Variants in RAB40B observed in about 807,000 individuals in gnomAD.
The protein encoded by RAB40B is RAB40B, member RAS oncogene family.
In RAB40B, 21 loss-of-function variants were observed where a neutral mutation model predicts 24.0. The ratio of observed to expected loss-of-function variants is 0.88; its 90% CI spans 0.62 to 1.26. RAB40B has a LOEUF of 1.26. Ranked by LOEUF, RAB40B falls within the 50% of genes most tolerant of loss-of-function variation. The probability of loss-of-function intolerance (pLI) is 0.00; values close to 1 mark genes in which losing one functional copy is unlikely to be tolerated. For synonymous variants in RAB40B, 167 were observed against 169.8 expected, an observed-to-expected ratio of 0.98 and a Z score of 0.13; for missense variants, 348 against 390.5, an observed-to-expected ratio of 0.89 and a Z score of 0.92.
intron 2 of RAB40B, chr17:82,662,646 G>A (rs924426857): frequency 2.0e-6 from 2 of 985,238 alleles, no homozygotes; most frequent in Non-Finnish European, 2.4e-6. Context: ...CGACAGTGTG[G>A]ACAGAGCTGG....
At chr17:82,662,651 A>G (rs938549621) in intron 2 of RAB40B, 2 of 985,188 alleles carry the variant, frequency 2.0e-6, no homozygotes, top group African/African-American at 3.5e-5. Flanking sequence ...GTGTGGACAG[A>G]GCTGGCACCG....
At position 82,657,475 on chromosome 17, in the gene RAB40B, A is replaced by T; in HGVS notation, c.*388T>A. ...CCTCTCGTAATATCAGTGACTCTAA[A>T]TTATCCCGCTGCCATTGCTTCTCAA... On this transcript the variant is annotated 3_prime_UTR_variant, in exon 6 of 6. Coordinates refer to ENST00000571995, the MANE Select transcript of RAB40B (RefSeq NM_006822.3). 2.8e-6 allele frequency: 1 copy of T among 355,028 alleles called. No individual in the cohort carries two copies. The highest frequency in any genetic ancestry group is 5.5e-6 in the Non-Finnish European group (1 of 183,048). 22.0% of individuals were successfully genotyped at this position (355,028 alleles called of 1,614,324 possible). A position where few individuals can be genotyped will look rare whatever the true frequency, so the allele number is the denominator to read the frequency against.
chr17:82,670,535 T>A (rs1381137922), intron 1 of RAB40B, among the ~76,000 whole-genome samples: 1 of 62,420 alleles, frequency 1.6e-5, no homozygotes, highest in Admixed American at 1.5e-4. Flanking sequence ...GAATTCCTGA[T>A]TTTTTTTTTT....
At chr17:82,660,635 G>A (rs553718267) in intron 3 of RAB40B, among the ~76,000 whole-genome samples, 54 of 133,064 alleles carry the variant, frequency 4.1e-4, no homozygotes, top group African/African-American at 2.9e-4. Context: ...ACACACACAC[G>A]CACAGGCACT....
chr17:82,682,862 C>T (rs751346803), intron 1 of RAB40B, among the ~76,000 whole-genome samples: 4 of 152,106 alleles, frequency 2.6e-5, no homozygotes, highest in African/African-American at 7.2e-5. Context: ...AAAACGAACC[C>T]GGCCGGGCAC....
intron 1 of RAB40B, among the ~76,000 whole-genome samples, chr17:82,693,504 C>T (rs2046578661): frequency 6.6e-6 from 1 of 152,220 alleles, no homozygotes; most frequent in African/African-American, 2.4e-5. Flanking sequence ...GAATCTACTA[C>T]AGGGAAACCT....
At position 82,659,585 on chromosome 17, in the gene RAB40B, C is replaced by T. The variant is rs202136186; in HGVS notation, c.337G>A (p.Asp113Asn). Residue 113 changes from aspartate to asparagine, a missense_variant, in exon 4 of 6, where the codon GAT becomes AAT. Transcript: ENST00000571995. ...GTGGCATTTCTACAACATACCTCAT[C>T]GATCTCCTTAATCCATCGATCAATG... Reference protein sequence around the residue: ...DGIDRWIKEIDEHAPGVPKIL... With the variant: ...DGIDRWIKEINEHAPGVPKIL... 8.7e-6 allele frequency: 14 copies of T among 1,614,038 alleles called. No individual in the cohort carries two copies. The East Asian group carries it at 1.1e-4, about 13-fold the overall frequency.
intron 1 of RAB40B, among the ~76,000 whole-genome samples, chr17:82,685,457 G>A (rs1272063844): frequency 3.3e-5 from 5 of 152,138 alleles, no homozygotes; most frequent in African/African-American, 9.7e-5. Context: ...ATGGACGACC[G>A]GCAGAATGAG....
At position 82,655,846 on chromosome 17, in the gene RAB40B, C is replaced by G. The variant is rs1056714111; in HGVS notation, c.*2017G>C. On this transcript the variant is annotated 3_prime_UTR_variant, in exon 6 of 6. Coordinates refer to ENST00000571995, the MANE Select transcript of RAB40B (RefSeq NM_006822.3). Reference sequence around the variant, plus strand: ...CCCAGGTGGCCAGACACCCCCAAGCCTGGGTCCACCCGCAGGGACCAGTGC... The same window carrying G: ...CCCAGGTGGCCAGACACCCCCAAGCGTGGGTCCACCCGCAGGGACCAGTGC... 6.6e-6 allele frequency: 1 copy of G among 152,274 alleles called. No individual in the cohort carries two copies. The highest frequency in any genetic ancestry group is 2.4e-5 in the African/African-American group (1 of 41,438). The allele number at this position is 152,274 out of a possible 1,614,324, so 9.4% of individuals were successfully genotyped here.
Position 82,670,621 on chromosome 17 carries a change from G to A in RAB40B, c.143-6065C>T, listed in dbSNP as rs150738196. Among the ~76,000 whole-genome samples the A allele has an allele frequency of 9.6e-4, 142 of 148,212 alleles. 3 individuals carry two copies. In the East Asian group the frequency reaches 0.02, roughly 20 times the overall value. ...GCGATCTCAGCTCATTGTAACCTCC[G>A]CCTCCCGGGTTCAAGGGATTCTCCT... On this transcript the variant is annotated intron_variant, in intron 1 of 5. Coordinates refer to ENST00000571995, the MANE Select transcript of RAB40B (RefSeq NM_006822.3).
In RAB40B at chr17:82,658,092, C is replaced by T. The variant is rs1442499915; in HGVS notation, c.608G>A (p.Cys203Tyr). The T allele has an allele frequency of 6.2e-6, 10 of 1,614,078 alleles. No individual in the cohort carries two copies. Among genetic ancestry groups the T allele is most frequent in the Admixed American group, 5.0e-5 (3 of 60,012 alleles). ...QDLCCRAVVS[C>Y]TPVHLVDKLP... ...CTTGTCCACCAGGTGCACCGGCGTGCAGGACACGACCGCCCGGCAGCAGAG... is the reference window on the plus strand; with the variant it reads ...CTTGTCCACCAGGTGCACCGGCGTGTAGGACACGACCGCCCGGCAGCAGAG... The change falls in exon 6 of 6, where the codon TGC becomes TAC. Residue 203 changes from cysteine (C) to tyrosine (Y), a missense_variant. By Grantham distance (194) the Cys-to-Tyr change is radical. This residue lies in a region of RAB40B where 121 missense variants were observed against 124.0 expected (regional missense o/e 0.98). Coordinates refer to ENST00000571995, the MANE Select transcript of RAB40B (RefSeq NM_006822.3).
At position 82,658,103 on chromosome 17, in the gene RAB40B, C is replaced by T. The variant is rs79672366; in HGVS notation, c.597G>A (p.Ala199=). 2.8e-4 allele frequency: 455 copies of T among 1,614,128 alleles called. No homozygotes were observed. In the African/African-American group the frequency reaches 4.3e-3, roughly 15 times the overall value. ...GGTGCACCGGCGTGCAGGACACGAC[C>T]GCCCGGCAGCAGAGGTCTTGCAAGC... ...VLSLQDLCCR[A]VVSCTPVHLV... Residue 199 remains alanine, a synonymous_variant, in exon 6 of 6, where the codon GCG becomes GCA. Transcript: ENST00000571995.
intron 1 of RAB40B, among the ~76,000 whole-genome samples, chr17:82,690,311 C>A (rs534666783): frequency 3.1e-5 from 4 of 127,376 alleles, no homozygotes; most frequent in African/African-American, 1.2e-4. Context: ...TGGAGGGAGA[C>A]GGAGTGTGCA....
At chr17:82,688,488 G>A (rs566202402) in intron 1 of RAB40B, among the ~76,000 whole-genome samples, 57 of 152,078 alleles carry the variant, frequency 3.7e-4, no homozygotes, top group African/African-American at 1.3e-3. Context: ...GGAGGCAGGC[G>A]CCTGTAATCC....
Position 82,658,685 on chromosome 17 carries a change from A to T in RAB40B, c.371T>A (p.Val124Glu), listed in dbSNP as rs199951104. ...GAACGCCAGGTGCAGGCGGTTCCCC[A>T]CCAGGATCTTGGGGACTCCGGGGGC... The part of the protein sequence containing the change: ...EHAPGVPKIL[V>E]GNRLHLAFKR... The change falls in exon 5 of 6, where the codon GTG becomes GAG. Residue 124 changes from valine to glutamate, a missense_variant. By Grantham distance (121) the Val-to-Glu change is moderately radical (BLOSUM62 -2). Coordinates refer to ENST00000571995, the MANE Select transcript of RAB40B (RefSeq NM_006822.3). 6.2e-7 allele frequency: 1 copy of T among 1,612,610 alleles called. No homozygotes were observed. Among genetic ancestry groups the T allele is most frequent in the East Asian group, 2.2e-5 (1 of 44,854 alleles).
chr17:82,691,544 G>A (rs9891087), intron 1 of RAB40B, among the ~76,000 whole-genome samples: 16,139 of 151,940 alleles, frequency 0.11, 1,272 homozygotes, highest in African/African-American at 0.22. Flanking sequence ...AAAATTAGCC[G>A]GGCATGGTAC....
rs1056510552 is a variant in RAB40B, at chr17:82,667,470, C to T, written c.143-2914G>A. Among the ~76,000 whole-genome samples, 1 of 152,140 alleles carries T rather than the reference C, an allele frequency of 6.6e-6. No individual in the cohort carries two copies. Among genetic ancestry groups the T allele is most frequent in the Non-Finnish European group, 1.5e-5 (1 of 68,036 alleles). On this transcript the variant is annotated intron_variant, in intron 1 of 5. Coordinates refer to ENST00000571995, the MANE Select transcript of RAB40B (RefSeq NM_006822.3). The surrounding 1 kb of genome is among the most constrained non-coding windows in gnomAD (Gnocchi z 4.3). ...GCGCCTTCCATGAGATCCCGAGCACCCCTCCCTCCCACAGCTGCTGTGTCC... is the reference window on the plus strand; with the variant it reads ...GCGCCTTCCATGAGATCCCGAGCACTCCTCCCTCCCACAGCTGCTGTGTCC...
In RAB40B at chr17:82,655,597, C is replaced by T. The variant is rs2046081285; in HGVS notation, c.*2266G>A. The T allele has an allele frequency of 1.3e-5, 2 of 152,252 alleles. No individual in the cohort carries two copies. The highest frequency in any genetic ancestry group is 2.4e-5 in the African/African-American group (1 of 41,454). The allele number at this position is 152,252 out of a possible 1,614,324, so 9.4% of individuals were successfully genotyped here. A position where few individuals can be genotyped will look rare whatever the true frequency, so the allele number is the denominator to read the frequency against. Reference sequence around the variant, plus strand: ...TCAACGTGGGTTTCTTCAACGTGGACTCTCCTTTCTGTGCATCTCAGTGTC... The same window carrying T: ...TCAACGTGGGTTTCTTCAACGTGGATTCTCCTTTCTGTGCATCTCAGTGTC... On this transcript the variant is annotated 3_prime_UTR_variant, in exon 6 of 6. Transcript: ENST00000571995.
Position 82,676,302 on chromosome 17 carries a change from C to T in RAB40B, c.143-11746G>A, listed in dbSNP as rs559549139. On this transcript the variant is annotated intron_variant, in intron 1 of 5. Transcript: ENST00000571995. ...TGAGGGCACCCCTCACCTTCAACAGCCTCTCCCTCCACACAGTGAGGGCAC... is the reference window on the plus strand; with the variant it reads ...TGAGGGCACCCCTCACCTTCAACAGTCTCTCCCTCCACACAGTGAGGGCAC... 8.4e-5 allele frequency among the ~76,000 whole-genome samples: 10 copies of T among 118,682 alleles called. No individual in the cohort carries two copies. The East Asian group carries it at 2.6e-3, about 30-fold the overall frequency. The allele number at this position is 118,682 out of a possible 152,430, so 77.9% of individuals were successfully genotyped here.
Sources: gnomAD v4.1 joint callset for allele counts (sites outside exome capture counted in the v4.1 genomes callset) on GRCh38, gnomAD v4.1.1 for gene constraint, gnomAD v4.1.1 regional missense constraint, Gnocchi (gnomAD v3.1) non-coding constraint, MANE v1.5 for transcripts, NCBI Gene and HGNC (gene_info 2026-07-23, HGNC 2026-07-21) for gene names.